PRKD1: variants seen among roughly 807,000 people sequenced by gnomAD.
PRKD1 encodes the protein serine/threonine-protein kinase D1.
PRKD1 carries 63 observed loss-of-function variants against 95.9 expected under a neutral mutation model. The ratio of observed to expected loss-of-function variants is 0.66; its 90% confidence interval spans 0.54 to 0.81. PRKD1 has a LOEUF of 0.81. Among genes scored for constraint, PRKD1 ranks in the 30% least tolerant of loss-of-function variants. The pLI is 0.00. For missense variants in PRKD1, 1,048 were observed against 1,165.3 expected, an observed-to-expected ratio of 0.90 and a Z score of 1.47; for synonymous variants, 425 against 423.1, an observed-to-expected ratio of 1.00 and a Z score of -0.05.
chr14:29,637,835 T>C (rs1880485665), intron 6 of PRKD1, among the ~76,000 whole-genome samples: 2 of 152,226 alleles, frequency 1.3e-5, no homozygotes, highest in Non-Finnish European at 2.9e-5. Flanking sequence ...TACAGCCATT[T>C]TCCTTTCCAG....
intron 12 of PRKD1, among the ~76,000 whole-genome samples, chr14:29,625,176 G>T (rs184568067): frequency 3.6e-4 from 54 of 152,090 alleles, no homozygotes; most frequent in African/African-American, 1.3e-3. Context: ...TATCAAATCA[G>T]CTTGTGTTCA....
intron 1 of PRKD1, among the ~76,000 whole-genome samples, chr14:29,867,012 G>T (rs1297271427): frequency 6.6e-6 from 1 of 152,078 alleles, no homozygotes; most frequent in African/African-American, 2.4e-5. Flanking sequence ...CCCCAAAATT[G>T]TTCTAAGAAC....
chr14:29,858,980 CT>C (rs1892608378), intron 1 of PRKD1, among the ~76,000 whole-genome samples: 1 of 152,150 alleles, frequency 6.6e-6, no homozygotes, highest in African/African-American at 2.4e-5. Flanking sequence ...CCTTTTCCCC[CT>C]AATTGATTAC....
At chr14:29,778,752 G>A (rs1888894265) in intron 1 of PRKD1, among the ~76,000 whole-genome samples, 1 of 152,002 alleles carries the variant, frequency 6.6e-6, no homozygotes, top group Non-Finnish European at 1.5e-5. Flanking sequence ...GATTCCAATT[G>A]ATAGAAAAAG....
chr14:29,688,744 C>T (rs996466928), intron 2 of PRKD1, among the ~76,000 whole-genome samples: 1 of 151,856 alleles, frequency 6.6e-6, no homozygotes, highest in East Asian at 1.9e-4. Context: ...CCAGCCTGGG[C>T]AACACGGTGA....
At chr14:29,801,441 C>T (rs1190203316) in intron 1 of PRKD1, among the ~76,000 whole-genome samples, 2 of 152,172 alleles carry the variant, frequency 1.3e-5, no homozygotes, top group Non-Finnish European at 2.9e-5. Flanking sequence ...CTCCAATGAA[C>T]ATGAATAAGC....
intron 16 of PRKD1, among the ~76,000 whole-genome samples, chr14:29,580,531 A>C (rs540506979): frequency 2.6e-5 from 4 of 152,212 alleles, no homozygotes; most frequent in East Asian, 3.9e-4. Flanking sequence ...TGAACTATTA[A>C]ATGTTAGCAC....
intron 1 of PRKD1, among the ~76,000 whole-genome samples, chr14:29,850,676 C>A (rs1204037303): frequency 6.6e-6 from 1 of 151,890 alleles, no homozygotes; most frequent in Admixed American, 6.6e-5. Flanking sequence ...AGATTCAACA[C>A]CACTCCTATC....
chr14:29,841,744 A>G (rs1466931558), intron 1 of PRKD1, among the ~76,000 whole-genome samples: 2 of 151,642 alleles, frequency 1.3e-5, no homozygotes, highest in Non-Finnish European at 2.9e-5. Flanking sequence ...TTATTTTTAA[A>G]TTTTTTCTTT....
intron 2 of PRKD1, among the ~76,000 whole-genome samples, chr14:29,693,613 T>G (rs542802134): frequency 9.0e-4 from 132 of 146,394 alleles, no homozygotes; most frequent in African/African-American, 3.3e-3. Flanking sequence ...CTGTAAGCAC[T>G]TTATGACCTC....
At chr14:29,926,129 C>T (rs1374513006) in intron 1 of PRKD1, among the ~76,000 whole-genome samples, 2 of 152,220 alleles carry the variant, frequency 1.3e-5, no homozygotes, top group Non-Finnish European at 2.9e-5. Context: ...CCACCTGGAG[C>T]TTTTAACATT....
At chr14:29,614,566 A>C (rs540232869) in intron 13 of PRKD1, among the ~76,000 whole-genome samples, 65 of 152,332 alleles carry the variant, frequency 4.3e-4, no homozygotes, top group African/African-American at 1.4e-3. Context: ...AAAGATTTAC[A>C]GAATATTTAT....
intron 2 of PRKD1, among the ~76,000 whole-genome samples, chr14:29,677,227 T>C (rs2139255333): frequency 6.6e-6 from 1 of 152,346 alleles, no homozygotes; most frequent in South Asian, 2.1e-4. Flanking sequence ...AGCACTTACT[T>C]TTAGTCAGAT....
chr14:29,617,910 TA>T (rs35354539), intron 13 of PRKD1, among the ~76,000 whole-genome samples: 80,013 of 149,730 alleles, frequency 0.53, 21,924 homozygotes, highest in East Asian at 0.68. Flanking sequence ...CTACCAAAAA[TA>T]AAAAAAAAAG....
Position 29,578,273 on chromosome 14 carries a change from A to G in PRKD1, c.2520+2T>C, listed in dbSNP as rs1448609389. 6.3e-7 allele frequency: 1 copy of G among 1,593,814 alleles called. No individual in the cohort carries two copies. The highest frequency in any genetic ancestry group is 1.3e-5 in the African/African-American group (1 of 74,238). The stretch of plus-strand genomic sequence containing the variant: ...TAAGAAAACTCAGTGATTATTGTTT[A>G]CCTGTAGCCAAGGGTGGCTCAAGGT... On this transcript the variant is annotated splice_donor_variant, in intron 17 of 17. Coordinates refer to ENST00000331968, the MANE Select transcript of PRKD1 (RefSeq NM_002742.3). LOFTEE classifies it high-confidence loss of function.
chr14:29,642,789 C>A (rs868601037), intron 4 of PRKD1, among the ~76,000 whole-genome samples: 1 of 152,062 alleles, frequency 6.6e-6, no homozygotes, highest in Non-Finnish European at 1.5e-5. Context: ...TTACCGTCAA[C>A]ACTATTGAAG....
At chr14:29,819,724 A>C (rs1254030649) in intron 1 of PRKD1, among the ~76,000 whole-genome samples, 1 of 152,004 alleles carries the variant, frequency 6.6e-6, no homozygotes, top group African/African-American at 2.4e-5. Context: ...CATAAAATAA[A>C]ATAAAATAAA....
At chr14:29,925,019 C>G (rs1394727401) in intron 1 of PRKD1, among the ~76,000 whole-genome samples, 2 of 152,036 alleles carry the variant, frequency 1.3e-5, no homozygotes, top group Non-Finnish European at 2.9e-5. Context: ...ATAAATAACC[C>G]TCAAGTTCAC....
intron 1 of PRKD1, among the ~76,000 whole-genome samples, chr14:29,760,975 C>T (rs978153095): frequency 6.6e-6 from 1 of 152,002 alleles, no homozygotes; most frequent in Non-Finnish European, 1.5e-5. Flanking sequence ...CAGTTTCTTG[C>T]TCTGTCACCC....
Sources: gnomAD v4.1 joint callset for allele counts (sites outside exome capture counted in the v4.1 genomes callset) on GRCh38, gnomAD v4.1.1 for gene constraint, MANE v1.5 for transcripts, NCBI Gene and HGNC (gene_info 2026-07-23, HGNC 2026-07-21) for gene names.